The following NRXN3 variants were observed in gnomAD, a reference collection of about 807,000 sequenced individuals.
NRXN3 encodes the protein neurexin 3.
NRXN3 carries 32 observed loss-of-function variants against 137.6 expected under a neutral mutation model. The observed-to-expected ratio is 0.23, with a 90% confidence interval of 0.18 to 0.31. The LOEUF is 0.31. Among genes scored for constraint, NRXN3 ranks in the 10% least tolerant of loss-of-function variants. NRXN3 has a pLI of 1.00. For missense variants in NRXN3, 1,574 were observed against 2,062.5 expected (o/e 0.76, Z 4.59); for synonymous variants, 798 against 784.5 (o/e 1.02, Z -0.29).
At chr14:79,050,558 G>T (rs2099640364) in intron 15 of NRXN3, among the ~76,000 whole-genome samples, 2 of 152,232 alleles carry the variant, frequency 1.3e-5, no homozygotes, top group African/African-American at 2.4e-5. Context: ...ATGAGAATCT[G>T]ATGGACGATA....
At chr14:78,400,230 G>A (rs993043799) in intron 4 of NRXN3, among the ~76,000 whole-genome samples, 5 of 152,188 alleles carry the variant, frequency 3.3e-5, no homozygotes, top group African/African-American at 1.2e-4. Flanking sequence ...TGACCTTGGA[G>A]CCAAGAAGTA....
At position 79,719,360 on chromosome 14, in the gene NRXN3, TTGTG is replaced by T. The variant is rs1308234864; in HGVS notation, c.4014+21427_4014+21430del. On this transcript the variant is annotated intron_variant, in intron 19 of 20. Coordinates refer to ENST00000335750, the MANE Select transcript of NRXN3 (RefSeq NM_001330195.2). Reference sequence around the variant, plus strand: ...ATGTATATATACACATATATGTGTATTGTGTGTATGTGTATATATATGTGTGTGT... The same window carrying T: ...ATGTATATATACACATATATGTGTATTGTATGTGTATATATATGTGTGTGT... 1.1e-4 allele frequency among the ~76,000 whole-genome samples: 12 copies of T among 112,538 alleles called. No individual in the cohort carries two copies. In the South Asian group the frequency reaches 1.7e-3, roughly 16 times the overall value. 73.8% of individuals were successfully genotyped at this position (112,538 alleles called of 152,430 possible). A position where few individuals can be genotyped will look rare whatever the true frequency, so the allele number is the denominator to read the frequency against.
At chr14:78,637,954 T>G (rs1249159678) in intron 4 of NRXN3, among the ~76,000 whole-genome samples, 2 of 152,256 alleles carry the variant, frequency 1.3e-5, no homozygotes, top group Non-Finnish European at 2.9e-5. Flanking sequence ...AATGTAACTT[T>G]TATTGTAATG....
chr14:78,798,765 A>G (rs2098830033), intron 8 of NRXN3, among the ~76,000 whole-genome samples: 1 of 152,198 alleles, frequency 6.6e-6, no homozygotes, highest in African/African-American at 2.4e-5. Context: ...CCCAAACCTC[A>G]GTTCTTGACT....
At chr14:79,732,571 T>C (rs1445889940) in intron 19 of NRXN3, among the ~76,000 whole-genome samples, 1 of 152,190 alleles carries the variant, frequency 6.6e-6, no homozygotes, top group Non-Finnish European at 1.5e-5. Flanking sequence ...ATTTAAATCA[T>C]CTAAGGTAAT....
chr14:78,548,732 A>G (rs2096659275), intron 4 of NRXN3, among the ~76,000 whole-genome samples: 1 of 151,970 alleles, frequency 6.6e-6, no homozygotes, highest in Non-Finnish European at 1.5e-5. Flanking sequence ...CCCTCACTAG[A>G]CGTATTCTAT....
chr14:79,807,963 T>C (rs1260345172), intron 20 of NRXN3, among the ~76,000 whole-genome samples: 1 of 152,166 alleles, frequency 6.6e-6, no homozygotes, highest in African/African-American at 2.4e-5. Context: ...TGATTTCCAC[T>C]AATGGGGATT....
chr14:78,932,525 A>G (rs1302941445), intron 10 of NRXN3, among the ~76,000 whole-genome samples: 1 of 152,184 alleles, frequency 6.6e-6, no homozygotes, highest in Non-Finnish European at 1.5e-5. Context: ...ACAATATTCC[A>G]AGATCACTGA....
rs151289425 is a variant in NRXN3 at position 79,822,967 on chromosome 14, T to C, written c.4093+17777T>C. Among the ~76,000 whole-genome samples the C allele has an allele frequency of 2.6e-3, 402 of 152,340 alleles. 1 individual carries two copies. The highest frequency in any genetic ancestry group is 9.0e-3 in the African/African-American group (373 of 41,590). ...ATTCATGCCTATAAAAAAGTCTCTGTGCTAACTCTAGATTTTTTTCACTGT... is the reference window on the plus strand; with the variant it reads ...ATTCATGCCTATAAAAAAGTCTCTGCGCTAACTCTAGATTTTTTTCACTGT... On this transcript the variant is annotated intron_variant, in intron 20 of 20. Transcript: ENST00000335750.
rs1326098115 is a variant in NRXN3 at position 78,966,304 on chromosome 14, C to T, written c.2675C>T (p.Ser892Phe). 1 of 1,614,196 alleles carries T rather than the reference C, an allele frequency of 6.2e-7. No individual in the cohort carries two copies. Among genetic ancestry groups the T allele is most frequent in the African/African-American group, 1.3e-5 (1 of 75,034 alleles). ...CTTGCCACTCTTCAGGCTTACACCT[C>T]CATGCACCTCTTCTTCCAGTTCAAG... The part of the protein sequence containing the change: ...LSLATLQAYT[S>F]MHLFFQFKTT... Residue 892 changes from serine to phenylalanine, a missense_variant, in exon 12 of 21, where the codon TCC becomes TTC. Ser to Phe is a radical substitution (Grantham distance 155, BLOSUM62 -2). Around this residue, in one of 5 missense-constraint regions of NRXN3, gnomAD observed 718 missense variants for 887.6 expected, o/e 0.81. Transcript: ENST00000335750.
intron 2 of NRXN3, among the ~76,000 whole-genome samples, chr14:78,263,464 C>A (rs977109414): frequency 6.6e-6 from 1 of 152,158 alleles, no homozygotes; most frequent in African/African-American, 2.4e-5. Context: ...CGGAATTAGA[C>A]AAAGACTGCA....
At chr14:79,535,570 T>A (rs1168782457) in intron 16 of NRXN3, among the ~76,000 whole-genome samples, 1 of 152,152 alleles carries the variant, frequency 6.6e-6, no homozygotes, top group Non-Finnish European at 1.5e-5. Flanking sequence ...GTAGCAGGCA[T>A]TCTACCTTTT....
chr14:78,537,503 A>C (rs141544717), intron 4 of NRXN3, among the ~76,000 whole-genome samples: 17 of 152,266 alleles, frequency 1.1e-4, no homozygotes, highest in Non-Finnish European at 1.8e-4. Flanking sequence ...TAGATTCTGG[A>C]TATTAACCCT....
intron 3 of NRXN3, among the ~76,000 whole-genome samples, chr14:78,282,681 C>A (rs190678397): frequency 2.0e-5 from 3 of 152,180 alleles, no homozygotes; most frequent in African/African-American, 7.2e-5. Context: ...CTTCCCCTAC[C>A]CGCTCTTGAT....
intron 15 of NRXN3, among the ~76,000 whole-genome samples, chr14:79,353,991 C>A (rs2093327068): frequency 6.6e-6 from 1 of 152,124 alleles, no homozygotes; most frequent in Non-Finnish European, 1.5e-5. Context: ...TTCAGTAGGG[C>A]TGGTTTCTAT....
intron 4 of NRXN3, among the ~76,000 whole-genome samples, chr14:78,407,217 A>G (rs1019571408): frequency 3.3e-5 from 5 of 152,102 alleles, no homozygotes; most frequent in African/African-American, 1.2e-4. Context: ...TCTTTTCCAG[A>G]AAAGCAAAGA....
chr14:78,396,029 A>G lies in NRXN3; in HGVS notation c.757+98169A>G, dbSNP rs936531874. Among the ~76,000 whole-genome samples, 6 of 150,834 alleles carry G rather than the reference A, an allele frequency of 4.0e-5. No individual in the cohort carries two copies. The South Asian group carries it at 8.4e-4, about 21-fold the overall frequency. On this transcript the variant is annotated intron_variant, in intron 4 of 20. Coordinates refer to ENST00000335750, the MANE Select transcript of NRXN3 (RefSeq NM_001330195.2). ...TAAGTCTACTATTTCATTGTTTTCTATTTGTTCTCTGTGTTTCTCTTTTCT... is the reference window on the plus strand; with the variant it reads ...TAAGTCTACTATTTCATTGTTTTCTGTTTGTTCTCTGTGTTTCTCTTTTCT...
rs556749471 is a variant in NRXN3, at chr14:79,304,894, T to C, written c.3263-162327T>C. ...TTTAACACAGGTCTTTGCTTCGTGC[T>C]AAAGGCAAACATGTATATGAGACTC... is the stretch of plus-strand genomic sequence containing the variant. On this transcript the variant is annotated intron_variant, in intron 15 of 20. Transcript: ENST00000335750. Among the ~76,000 whole-genome samples the C allele has an allele frequency of 1.5e-3, 235 of 152,168 alleles. 1 individual carries two copies. Among genetic ancestry groups the C allele is most frequent in the Middle Eastern group, 3.4e-3 (1 of 294 alleles).
chr14:79,286,533 A>G (rs2082278175), intron 15 of NRXN3, among the ~76,000 whole-genome samples: 2 of 117,236 alleles, frequency 1.7e-5, no homozygotes. Context: ...GATTGAGAGA[A>G]TAATATATAT....
Sources: allele counts gnomAD v4.1 joint callset (sites outside exome capture counted in the v4.1 genomes callset), GRCh38; gene constraint gnomAD v4.1.1; regional missense constraint gnomAD v4.1.1; transcripts MANE v1.5; gene names NCBI Gene and HGNC (gene_info 2026-07-23, HGNC 2026-07-21).